RSPO4: variants seen among roughly 807,000 people sequenced by gnomAD.
RSPO4 encodes the protein R-spondin 4, also known as R-spondin-4.
In RSPO4, 23 loss-of-function variants were observed where a neutral mutation model predicts 24.8. The observed-to-expected ratio is 0.93, with a 90% CI of 0.67 to 1.31. The LOEUF (loss-of-function observed/expected upper bound fraction) is 1.31. Among genes scored for constraint, RSPO4 ranks in the 40% most tolerant of loss-of-function variants. The pLI, the probability that RSPO4 is intolerant of heterozygous loss-of-function variation, is 0.00. For synonymous variants in RSPO4, 141 were observed against 127.4 expected (o/e 1.11, Z -0.72); for missense variants, 333 against 316.5 (o/e 1.05, Z -0.39).
chr20:999,788 G>C (rs1051304502), intron 1 of RSPO4, among the ~76,000 whole-genome samples: 1 of 152,084 alleles, frequency 6.6e-6, no homozygotes, highest in Admixed American at 6.5e-5. Context: ...GGGCAGGATA[G>C]GAATTTTTCA....
chr20:990,945 G>A (rs1169662857), intron 1 of RSPO4, among the ~76,000 whole-genome samples: 2 of 152,214 alleles, frequency 1.3e-5, no homozygotes, highest in African/African-American at 4.8e-5. Flanking sequence ...GTCAGGAAGG[G>A]GCGTGGACAG....
rs767332107 is a variant in RSPO4 at position 968,065 on chromosome 20, C to T, written c.153G>A (p.Gln51=). 6.2e-7 allele frequency: 1 copy of T among 1,614,226 alleles called. No homozygotes were observed. Among genetic ancestry groups the T allele is most frequent in the South Asian group, 1.1e-5 (1 of 91,084 alleles). Residue 51 remains glutamine, a synonymous_variant, in exon 2 of 5, where the codon CAG becomes CAA. Coordinates refer to ENST00000217260, the MANE Select transcript of RSPO4 (RefSeq NM_001029871.4). The part of the protein sequence containing the change: ...CSEENGCSTC[Q]QRLFLFIRRE... ...GGCGGATGAACAGGAAGAGCCTCTG[C>T]TGGCAGGTGGAACAGCCGTTCTCCT...
chr20:964,829 CACATATAT>C (rs1366929411), intron 3 of RSPO4, among the ~76,000 whole-genome samples: 28 of 95,032 alleles, frequency 2.9e-4, no homozygotes, highest in African/African-American at 9.5e-4. Flanking sequence ...CACACACACA[CACATATAT>C]ATATATATAT....
chr20:1,000,001 T>G (rs1985412520), intron 1 of RSPO4, among the ~76,000 whole-genome samples: 1 of 152,100 alleles, frequency 6.6e-6, no homozygotes, highest in Non-Finnish European at 1.5e-5. Context: ...CCCAAGTAGC[T>G]GGAATTACAG....
intron 1 of RSPO4, among the ~76,000 whole-genome samples, chr20:976,334 G>C (rs776368576): frequency 6.6e-6 from 1 of 152,210 alleles, no homozygotes; most frequent in Non-Finnish European, 1.5e-5. Flanking sequence ...GGCCAGCAGG[G>C]TCCAGGGACA....
Position 964,777 on chromosome 20 carries a change from CAT to C in RSPO4, c.410-659_410-658del, listed in dbSNP as rs1555795369. On this transcript the variant is annotated intron_variant, in intron 3 of 4. Transcript: ENST00000217260. Reference sequence around the variant, plus strand: ...ACACATATATATACACACACACACACATATATATATACACATATATACACACA... The same window carrying C: ...ACACATATATATACACACACACACACATATATATACACATATATACACACA... 2.0e-3 allele frequency among the ~76,000 whole-genome samples: 274 copies of C among 139,962 alleles called. 3 individuals are homozygous for C. The East Asian group carries it at 0.031, about 16-fold the overall frequency. The allele number at this position is 139,962 out of a possible 152,430, so 91.8% of individuals were successfully genotyped here. A position where few individuals can be genotyped will look rare whatever the true frequency, so the allele number is the denominator to read the frequency against.
chr20:974,580 G>A (rs1436966953), intron 1 of RSPO4, among the ~76,000 whole-genome samples: 3 of 152,238 alleles, frequency 2.0e-5, no homozygotes, highest in Non-Finnish European at 2.9e-5. Context: ...AGGTCCCCTT[G>A]ACTACAGTGG....
chr20:1,000,992 C>G (rs916208079), intron 1 of RSPO4, among the ~76,000 whole-genome samples: 2 of 152,240 alleles, frequency 1.3e-5, no homozygotes, highest in Admixed American at 1.3e-4. Flanking sequence ...GCAACCCATC[C>G]TCTCTCATTT....
At chr20:977,278 T>G (rs1984594689) in intron 1 of RSPO4, among the ~76,000 whole-genome samples, 1 of 152,220 alleles carries the variant, frequency 6.6e-6, no homozygotes, top group African/African-American at 2.4e-5. Context: ...CCTTTGCTGG[T>G]CCTGGGCCCA....
chr20:969,593 C>G (rs1450675900), intron 1 of RSPO4, among the ~76,000 whole-genome samples: 1 of 152,036 alleles, frequency 6.6e-6, no homozygotes, highest in Admixed American at 6.6e-5. Context: ...GATAGAAGAG[C>G]CTGCACATCC....
chr20:971,274 C>T (rs974513586), intron 1 of RSPO4, among the ~76,000 whole-genome samples: 16 of 152,248 alleles, frequency 1.1e-4, no homozygotes, highest in Admixed American at 3.3e-4. Context: ...ACCCCTGGTA[C>T]GTCTGATTCA....
chr20:994,986 C>T (rs185800860), intron 1 of RSPO4, among the ~76,000 whole-genome samples: 33 of 152,320 alleles, frequency 2.2e-4, no homozygotes, highest in African/African-American at 7.0e-4. Context: ...GGCTCTGGAG[C>T]AGGCTGCCTT....
At chr20:999,800 T>G (rs890202824) in intron 1 of RSPO4, among the ~76,000 whole-genome samples, 1 of 151,936 alleles carries the variant, frequency 6.6e-6, no homozygotes, top group African/African-American at 2.4e-5. Context: ...AATTTTTCAT[T>G]TTTCTTTAAT....
intron 1 of RSPO4, among the ~76,000 whole-genome samples, chr20:998,985 C>CTCTCTT (rs1555797904): frequency 7.6e-6 from 1 of 131,834 alleles, no homozygotes; most frequent in Non-Finnish European, 1.6e-5. Flanking sequence ...CTCTCGCTCT[C>CTCTCTT]TTTTTTTTTT....
At chr20:996,216 C>T (rs947363915) in intron 1 of RSPO4, among the ~76,000 whole-genome samples, 1 of 144,828 alleles carries the variant, frequency 6.9e-6, no homozygotes, top group African/African-American at 2.6e-5. Flanking sequence ...TATTCCATTC[C>T]GTTCTGTTCC....
Position 1,002,078 on chromosome 20 carries a change from C to G in RSPO4, c.79+8G>C. On this transcript the variant is annotated splice_region_variant and intron_variant, in intron 1 of 4. Transcript: ENST00000217260. This position sits in a 1 kb window ranked among gnomAD's most constrained non-coding sequence, Gnocchi z 4.6. ...TGCCCGGCCGCCCTGCCCAGCCACC[C>G]CTTGTACCTTGCTTCTTCCTTCGGT... 1 of 1,552,736 alleles carries G rather than the reference C, an allele frequency of 6.4e-7. No individual in the cohort carries two copies. The highest frequency in any genetic ancestry group is 1.2e-5 in the South Asian group (1 of 84,396).
At chr20:978,154 G>A (rs768459041) in intron 1 of RSPO4, among the ~76,000 whole-genome samples, 2 of 152,180 alleles carry the variant, frequency 1.3e-5, no homozygotes, top group African/African-American at 4.8e-5. Context: ...GACCAGCAGG[G>A]CAGAACATTC....
chr20:969,593 C>A (rs1450675900), intron 1 of RSPO4, among the ~76,000 whole-genome samples: 1 of 152,036 alleles, frequency 6.6e-6, no homozygotes, highest in Non-Finnish European at 1.5e-5. Flanking sequence ...GATAGAAGAG[C>A]CTGCACATCC....
rs1275762619 is a variant in RSPO4 at position 960,351 on chromosome 20, C to T, written c.*6G>A. Reference sequence around the variant, plus strand: ...ACTAGGACCAGAGAGTCGGGAGAGCCGGCGGTCAGGGCTGCAGGCCGGGCT... The same window carrying T: ...ACTAGGACCAGAGAGTCGGGAGAGCTGGCGGTCAGGGCTGCAGGCCGGGCT... On this transcript the variant is annotated 3_prime_UTR_variant, in exon 5 of 5. Transcript: ENST00000217260. 24 of 1,532,986 alleles carry T rather than the reference C, an allele frequency of 1.6e-5. No individual in the cohort carries two copies. Among genetic ancestry groups the T allele is most frequent in the Middle Eastern group, 1.9e-4 (1 of 5,276 alleles). The allele number at this position is 1,532,986 out of a possible 1,614,324, so 95.0% of individuals were successfully genotyped here.
Sources: gnomAD v4.1 joint callset for allele counts (sites outside exome capture counted in the v4.1 genomes callset) on GRCh38, gnomAD v4.1.1 for gene constraint, Gnocchi (gnomAD v3.1) non-coding constraint, MANE v1.5 for transcripts, NCBI Gene and HGNC (gene_info 2026-07-23, HGNC 2026-07-21) for gene names.